The following AGAP1 variants were observed in gnomAD, a reference collection of about 807,000 sequenced individuals.
AGAP1 encodes the protein ArfGAP with GTPase domain, ankyrin repeat and PH domain 1.
Under a neutral mutation model 105.3 loss-of-function variants are expected in AGAP1, and 29 were observed. The ratio of observed to expected loss-of-function variants is 0.28; its 90% CI spans 0.21 to 0.38. The LOEUF (loss-of-function observed/expected upper bound fraction) is 0.38, where lower values mean the gene tolerates loss of function less well. Ranked by LOEUF, AGAP1 falls within the 10% of genes least tolerant of loss-of-function variation. The probability of loss-of-function intolerance (pLI) is 1.00; values close to 1 mark genes in which losing one functional copy is unlikely to be tolerated. For synonymous variants in AGAP1, 509 were observed against 485.9 expected (o/e 1.05, Z -0.63); for missense variants, 998 against 1,165.1 (o/e 0.86, Z 2.09).
chr2:235,622,383 T>C lies in AGAP1; in HGVS notation c.164-86796T>C, dbSNP rs1335534940. 6.6e-6 allele frequency among the ~76,000 whole-genome samples: 1 copy of C among 152,212 alleles called. No individual in the cohort carries two copies. Among genetic ancestry groups the C allele is most frequent in the East Asian group, 1.9e-4 (1 of 5,190 alleles). On this transcript the variant is annotated intron_variant, in intron 1 of 17. Coordinates refer to ENST00000304032, the MANE Select transcript of AGAP1 (RefSeq NM_001037131.3). This position sits in a 1 kb window ranked among gnomAD's most constrained non-coding sequence, Gnocchi z 5.0. ...CATCCTTCAGAGCTCCCTGAGCTTC[T>C]TCACGGCCACGCTGCTCTCCTGCAT... is the stretch of plus-strand genomic sequence containing the variant.
In AGAP1 at chr2:236,082,528, A is replaced by C. The variant is rs139072657; in HGVS notation, c.2114+33247A>C. On this transcript the variant is annotated intron_variant, in intron 16 of 17. Transcript: ENST00000304032. This position sits in a 1 kb window ranked among gnomAD's most constrained non-coding sequence, Gnocchi z 4.2. ...GAAGATGGTTCCCAAAAGGCCTATC[A>C]GGGGCAAACAGCTCACCTGCAGTGG... Among the ~76,000 whole-genome samples, 1,752 of 152,318 alleles carry C rather than the reference A, an allele frequency of 0.012. 11 individuals carry two copies. The highest frequency in any genetic ancestry group is 0.017 in the Non-Finnish European group (1,139 of 68,034).
chr2:235,960,311 G>GT lies in AGAP1; in HGVS notation c.1484-8146dup, dbSNP rs1460061026. Among the ~76,000 whole-genome samples, 2 of 152,168 alleles carry GT rather than the reference G, an allele frequency of 1.3e-5. No individual in the cohort carries two copies. Among genetic ancestry groups the GT allele is most frequent in the African/African-American group, 4.8e-5 (2 of 41,432 alleles). ...TGTTTCCATTCTTGAGATTGCAGTT[G>GT]TTTTTATCCCATGACAACCCTGTGT... is the stretch of plus-strand genomic sequence containing the variant. On this transcript the variant is annotated intron_variant, in intron 12 of 17. Coordinates refer to ENST00000304032, the MANE Select transcript of AGAP1 (RefSeq NM_001037131.3). This position sits in a 1 kb window ranked among gnomAD's most constrained non-coding sequence, Gnocchi z 4.9.
intron 1 of AGAP1, among the ~76,000 whole-genome samples, chr2:235,547,373 T>TC (rs1943659669): frequency 6.7e-6 from 1 of 150,102 alleles, no homozygotes; most frequent in Non-Finnish European, 1.5e-5. Flanking sequence ...TTTTTTTTTT[T>TC]TCTGAGATGG....
intron 16 of AGAP1, among the ~76,000 whole-genome samples, chr2:236,116,688 G>T (rs2059779269): frequency 6.6e-6 from 1 of 151,910 alleles, no homozygotes; most frequent in Non-Finnish European, 1.5e-5. Flanking sequence ...AGATCTTGGT[G>T]CACCCATCAC....
intron 1 of AGAP1, among the ~76,000 whole-genome samples, chr2:235,568,914 C>CT (rs1944432703): frequency 1.5e-5 from 2 of 133,002 alleles, no homozygotes; most frequent in Admixed American, 1.4e-4. Flanking sequence ...AGCTTTACTG[C>CT]TTTTTCTTAG....
chr2:235,693,328 G>A (rs1949832531), intron 1 of AGAP1, among the ~76,000 whole-genome samples: 1 of 152,098 alleles, frequency 6.6e-6, no homozygotes, highest in Non-Finnish European at 1.5e-5. Flanking sequence ...ACGGGGGCTG[G>A]GCCTTTATGC....
chr2:235,790,709 C>T lies in AGAP1; in HGVS notation c.674-7050C>T, dbSNP rs1438626862. Among the ~76,000 whole-genome samples, 3 of 152,336 alleles carry T rather than the reference C, an allele frequency of 2.0e-5. No homozygotes were observed. The East Asian group carries it at 5.8e-4, about 29-fold the overall frequency. On this transcript the variant is annotated intron_variant, in intron 6 of 17. Coordinates refer to ENST00000304032, the MANE Select transcript of AGAP1 (RefSeq NM_001037131.3). The stretch of plus-strand genomic sequence containing the variant: ...ACTACCTTCTTATAACCTTCCCACC[C>T]CAGCCCCACTGTTGACTCATCCATT...
intron 12 of AGAP1, among the ~76,000 whole-genome samples, chr2:235,938,147 C>T (rs1197607744): frequency 1.3e-5 from 2 of 152,186 alleles, no homozygotes; most frequent in African/African-American, 4.8e-5. Context: ...TGTGATGTAA[C>T]ATTCATGGAA....
intron 1 of AGAP1, chr2:235,524,512 G>T: frequency 2.9e-6 from 1 of 349,258 alleles, no homozygotes; most frequent in Non-Finnish European, 6.0e-6. Context: ...GAGAAGACAG[G>T]CCACGGGGCT....
Position 235,905,888 on chromosome 2 carries a change from T to G in AGAP1, c.1156-2850T>G, listed in dbSNP as rs1454138999. 6.6e-6 allele frequency among the ~76,000 whole-genome samples: 1 copy of G among 152,254 alleles called. No individual in the cohort carries two copies. Among genetic ancestry groups the G allele is most frequent in the Non-Finnish European group, 1.5e-5 (1 of 68,046 alleles). On this transcript the variant is annotated intron_variant, in intron 10 of 17. Transcript: ENST00000304032. The surrounding 1 kb of genome is among the most constrained non-coding windows in gnomAD (Gnocchi z 4.2). Reference sequence around the variant, plus strand: ...GCTCTAGCTTTCCTTCCATCTAGTTTAACAGAGTTAATTCAATAGTAACTT... The same window carrying G: ...GCTCTAGCTTTCCTTCCATCTAGTTGAACAGAGTTAATTCAATAGTAACTT...
At chr2:235,545,650 C>G (rs1050383724) in intron 1 of AGAP1, among the ~76,000 whole-genome samples, 25 of 152,338 alleles carry the variant, frequency 1.6e-4, no homozygotes, top group African/African-American at 6.0e-4. Flanking sequence ...CCTGCAGATT[C>G]TGCCTCTGGA....
At chr2:235,781,777 C>T (rs1486048949) in intron 6 of AGAP1, among the ~76,000 whole-genome samples, 1 of 152,062 alleles carries the variant, frequency 6.6e-6, no homozygotes, top group Non-Finnish European at 1.5e-5. Flanking sequence ...AATTATTGTT[C>T]CCATCACCAG....
Position 235,919,756 on chromosome 2 carries a change from A to G in AGAP1, c.1324+10850A>G, listed in dbSNP as rs1190670707. Among the ~76,000 whole-genome samples the G allele has an allele frequency of 6.6e-6, 1 of 152,206 alleles. No individual in the cohort carries two copies. The highest frequency in any genetic ancestry group is 6.5e-5 in the Admixed American group (1 of 15,282). On this transcript the variant is annotated intron_variant, in intron 11 of 17. Transcript: ENST00000304032. This position sits in a 1 kb window ranked among gnomAD's most constrained non-coding sequence, Gnocchi z 4.1. ...GCATTTATCATATAAAGGAGAAAGA[A>G]TATTGTAAAGATGGAACCGTTATTC...
At position 236,009,303 on chromosome 2, in the gene AGAP1, A is replaced by G. The variant is rs897610780; in HGVS notation, c.1646-27258A>G. Reference sequence around the variant, plus strand: ...TAACCTCACAATGAAATCGCCACGGACAAAAGATCACGGGATACCGGGAGC... The same window carrying G: ...TAACCTCACAATGAAATCGCCACGGGCAAAAGATCACGGGATACCGGGAGC... On this transcript the variant is annotated intron_variant, in intron 13 of 17. Coordinates refer to ENST00000304032, the MANE Select transcript of AGAP1 (RefSeq NM_001037131.3). This position sits in a 1 kb window ranked among gnomAD's most constrained non-coding sequence, Gnocchi z 4.2. Among the ~76,000 whole-genome samples the G allele has an allele frequency of 6.6e-6, 1 of 152,238 alleles. No individual in the cohort carries two copies. The highest frequency in any genetic ancestry group is 2.4e-5 in the African/African-American group (1 of 41,454).
rs143212927 is a variant in AGAP1, at chr2:235,701,987, G to T, written c.164-7192G>T. Among the ~76,000 whole-genome samples, 6 of 152,226 alleles carry T rather than the reference G, an allele frequency of 3.9e-5. No homozygotes were observed. Among genetic ancestry groups the T allele is most frequent in the African/African-American group, 1.4e-4 (6 of 41,536 alleles). On this transcript the variant is annotated intron_variant, in intron 1 of 17. Transcript: ENST00000304032. This position sits in a 1 kb window ranked among gnomAD's most constrained non-coding sequence, Gnocchi z 4.1. ...AAATAATAGTTAAAATCCTTGTGAC[G>T]TTTAAGGTTTTCAAAGAAAATTCCC...
At position 235,879,624 on chromosome 2, in the gene AGAP1, A is replaced by C. The variant is rs554073470; in HGVS notation, c.1051-3721A>C. On this transcript the variant is annotated intron_variant, in intron 9 of 17. Transcript: ENST00000304032. The surrounding 1 kb of genome is among the most constrained non-coding windows in gnomAD (Gnocchi z 5.0). ...CACAGTGGCTCACTCCCTGTCATCC[A>C]GCACTTTCTAAAGACCTAAGCGAGG... Among the ~76,000 whole-genome samples the C allele has an allele frequency of 6.6e-6, 1 of 152,236 alleles. No individual in the cohort carries two copies. Among genetic ancestry groups the C allele is most frequent in the Admixed American group, 6.5e-5 (1 of 15,282 alleles).
At chr2:235,648,474 G>A (rs1355706464) in intron 1 of AGAP1, among the ~76,000 whole-genome samples, 1 of 152,158 alleles carries the variant, frequency 6.6e-6, no homozygotes, top group Non-Finnish European at 1.5e-5. Flanking sequence ...CGAGACTAAG[G>A]TGAGGTTACC....
chr2:235,618,037 G>A (rs950438101), intron 1 of AGAP1, among the ~76,000 whole-genome samples: 3 of 152,086 alleles, frequency 2.0e-5, no homozygotes, highest in African/African-American at 4.8e-5. Flanking sequence ...TGCAACTTGT[G>A]TAACTGTGAG....
At chr2:235,917,854 G>A (rs1034860453) in intron 11 of AGAP1, among the ~76,000 whole-genome samples, 7 of 152,194 alleles carry the variant, frequency 4.6e-5, no homozygotes, top group East Asian at 1.9e-4. Flanking sequence ...TGTGTGGCCC[G>A]CAGAGGCTGT....
Sources: gnomAD v4.1 joint callset for allele counts (sites outside exome capture counted in the v4.1 genomes callset) on GRCh38, gnomAD v4.1.1 for gene constraint, Gnocchi (gnomAD v3.1) non-coding constraint, MANE v1.5 for transcripts, NCBI Gene and HGNC (gene_info 2026-07-23, HGNC 2026-07-21) for gene names.